GRIK2: variants seen among roughly 807,000 people sequenced by gnomAD.
GRIK2 encodes glutamate receptor ionotropic, kainate 2.
GRIK2 carries 32 observed loss-of-function variants against 100.3 expected under a neutral mutation model. The ratio of observed to expected loss-of-function variants is 0.32; its 90% CI spans 0.24 to 0.43. GRIK2 has a LOEUF of 0.43. Among genes scored for constraint, GRIK2 ranks in the 20% least tolerant of loss-of-function variants. The probability of loss-of-function intolerance (pLI) is 1.00; values close to 1 mark genes in which losing one functional copy is unlikely to be tolerated. For missense variants in GRIK2, 843 were observed against 1,114.9 expected (o/e 0.76, Z 3.47); for synonymous variants, 417 against 389.4 (o/e 1.07, Z -0.83).
intron 2 of GRIK2, among the ~76,000 whole-genome samples, chr6:101,457,465 A>G (rs1771069719): frequency 6.6e-6 from 1 of 152,024 alleles, no homozygotes; most frequent in Admixed American, 6.5e-5. Flanking sequence ...TTTTTTTCAC[A>G]TCCGTATGTA....
chr6:101,537,527 A>C (rs1486211540), intron 2 of GRIK2, among the ~76,000 whole-genome samples: 1 of 151,226 alleles, frequency 6.6e-6, no homozygotes, highest in Admixed American at 6.6e-5. Flanking sequence ...AGGCTAAAGC[A>C]ATGGCTTTTT....
intron 2 of GRIK2, among the ~76,000 whole-genome samples, chr6:101,415,191 T>C (rs984250288): frequency 6.6e-6 from 1 of 152,110 alleles, no homozygotes; most frequent in Non-Finnish European, 1.5e-5. Flanking sequence ...ACGTAATACA[T>C]GTTTATTGTA....
chr6:101,852,190 A>G (rs1448115637), intron 10 of GRIK2, among the ~76,000 whole-genome samples: 4 of 152,172 alleles, frequency 2.6e-5, no homozygotes, highest in Admixed American at 2.6e-4. Flanking sequence ...AAAACAAAAC[A>G]AAACAAAACA....
chr6:101,894,555 T>C (rs1023841688), intron 12 of GRIK2, among the ~76,000 whole-genome samples: 2 of 151,676 alleles, frequency 1.3e-5, no homozygotes, highest in African/African-American at 4.8e-5. Context: ...TTCCCCTAAA[T>C]GTTTTCTCCT....
chr6:101,789,679 G>C lies in GRIK2; in HGVS notation c.952-9969G>C, dbSNP rs9498706. ...TGTTCTTTTGGCTTAGGATTGACTT[G>C]GCGATGCGGGCTCTTTTTTGGTGCC... is the stretch of plus-strand genomic sequence containing the variant. On this transcript the variant is annotated intron_variant, in intron 7 of 16. Coordinates refer to ENST00000369134, the MANE Select transcript of GRIK2 (RefSeq NM_021956.5). 6.2e-3 allele frequency among the ~76,000 whole-genome samples: 939 copies of C among 152,258 alleles called. 13 individuals carry two copies. The highest frequency in any genetic ancestry group is 0.022 in the African/African-American group (904 of 41,536).
chr6:101,639,979 A>G (rs1045458409), intron 4 of GRIK2, among the ~76,000 whole-genome samples: 5 of 152,204 alleles, frequency 3.3e-5, no homozygotes, highest in African/African-American at 1.2e-4. Flanking sequence ...TACAAAGCCT[A>G]ACATATACCT....
intron 10 of GRIK2, among the ~76,000 whole-genome samples, chr6:101,857,098 T>C (rs981847777): frequency 2.0e-5 from 3 of 151,908 alleles, no homozygotes; most frequent in African/African-American, 7.3e-5. Flanking sequence ...AGAGGAGCAG[T>C]AGTTACTGCA....
At chr6:101,757,994 G>A (rs553402017) in intron 7 of GRIK2, among the ~76,000 whole-genome samples, 1 of 152,306 alleles carries the variant, frequency 6.6e-6, no homozygotes, top group Non-Finnish European at 1.5e-5. Flanking sequence ...TTGGGAGGCT[G>A]AGGCAGGAAG....
At chr6:101,656,432 A>AT (rs1391159024) in intron 4 of GRIK2, among the ~76,000 whole-genome samples, 3 of 144,002 alleles carry the variant, frequency 2.1e-5, no homozygotes, top group East Asian at 2.1e-4. Context: ...GTGTTTAGAA[A>AT]TTAAAAAAAA....
intron 14 of GRIK2, among the ~76,000 whole-genome samples, chr6:101,932,260 T>C (rs891123047): frequency 6.6e-6 from 1 of 152,046 alleles, no homozygotes; most frequent in Non-Finnish European, 1.5e-5. Flanking sequence ...ATCTAAAAGA[T>C]ATAGTATCAA....
At chr6:101,434,871 T>G (rs572072705) in intron 2 of GRIK2, among the ~76,000 whole-genome samples, 1 of 152,232 alleles carries the variant, frequency 6.6e-6, no homozygotes, top group African/African-American at 2.4e-5. Flanking sequence ...AAATAAATAA[T>G]GTTTTGCTTA....
At position 101,541,622 on chromosome 6, in the gene GRIK2, A is replaced by T. The variant is rs149488198; in HGVS notation, c.116-80327A>T. Among the ~76,000 whole-genome samples, 214 of 152,130 alleles carry T rather than the reference A, an allele frequency of 1.4e-3. 1 individual carries two copies. Among genetic ancestry groups the T allele is most frequent in the African/African-American group, 5.0e-3 (209 of 41,520 alleles). On this transcript the variant is annotated intron_variant, in intron 2 of 16. Coordinates refer to ENST00000369134, the MANE Select transcript of GRIK2 (RefSeq NM_021956.5). ...TCTCCCACATCCTATGGCACATAGC[A>T]TTTTGTGTAGTACATATTTTGTTAA...
At chr6:101,684,277 A>G (rs1338232965) in intron 6 of GRIK2, among the ~76,000 whole-genome samples, 1 of 152,166 alleles carries the variant, frequency 6.6e-6, no homozygotes, top group African/African-American at 2.4e-5. Flanking sequence ...GGGGAAATCA[A>G]AAGTATCTCT....
intron 14 of GRIK2, among the ~76,000 whole-genome samples, chr6:102,015,212 A>ATCTT (rs1795770897): frequency 8.4e-6 from 1 of 118,774 alleles, no homozygotes; most frequent in Non-Finnish European, 1.6e-5. Flanking sequence ...TTTTTTTTTT[A>ATCTT]TCTTTGTTGA....
At chr6:101,541,427 C>A (rs1775990646) in intron 2 of GRIK2, among the ~76,000 whole-genome samples, 2 of 54,030 alleles carry the variant, frequency 3.7e-5, no homozygotes, top group African/African-American at 9.8e-5. Context: ...CATACACACA[C>A]ACTACACCCT....
rs753387479 is a variant in GRIK2 at position 101,626,614 on chromosome 6, C to T, written c.518C>T (p.Thr173Met). 1.3e-5 allele frequency: 21 copies of T among 1,613,606 alleles called. No homozygotes were observed. In the South Asian group the frequency reaches 1.3e-4, roughly 10 times the overall value. The change falls in exon 4 of 17, where the codon ACG (threonine) becomes ATG (methionine). Residue 173 changes from threonine to methionine, a missense_variant. Physicochemically the swap from Thr to Met is moderately conservative, Grantham distance 81. Around this residue, in one of 3 missense-constraint regions of GRIK2, gnomAD observed 519 missense variants for 643.8 expected, o/e 0.81. Coordinates refer to ENST00000369134, the MANE Select transcript of GRIK2 (RefSeq NM_021956.5). ...LVQFFKWKTV[T>M]VVYDDSTGLI... ...CAGTTTTTCAAGTGGAAAACCGTCA[C>T]GGTTGTGTATGATGACAGCACTGGT...
chr6:102,001,194 T>C (rs998127377), intron 14 of GRIK2, among the ~76,000 whole-genome samples: 3 of 151,950 alleles, frequency 2.0e-5, no homozygotes, highest in Admixed American at 6.6e-5. Context: ...TATTTTTTTT[T>C]TTTTTTCATT....
At chr6:101,505,894 T>C (rs572643401) in intron 2 of GRIK2, among the ~76,000 whole-genome samples, 8 of 151,970 alleles carry the variant, frequency 5.3e-5, no homozygotes, top group East Asian at 3.9e-4. Flanking sequence ...AAAAGCTAAA[T>C]ACATTAAAAG....
intron 1 of GRIK2, among the ~76,000 whole-genome samples, chr6:101,394,375 A>G (rs1774919737): frequency 6.6e-6 from 1 of 152,210 alleles, no homozygotes; most frequent in Non-Finnish European, 1.5e-5. Context: ...CAGTGTTACC[A>G]GGGTGGATCA....
Sources: allele counts gnomAD v4.1 joint callset (sites outside exome capture counted in the v4.1 genomes callset), GRCh38; gene constraint gnomAD v4.1.1; regional missense constraint gnomAD v4.1.1; transcripts MANE v1.5; gene names NCBI Gene and HGNC (gene_info 2026-07-23, HGNC 2026-07-21).